GRM1: variants seen among roughly 807,000 people sequenced by gnomAD.
GRM1 encodes glutamate metabotropic receptor 1.
Under a neutral mutation model 90.9 loss-of-function variants are expected in GRM1, and 33 were observed. The ratio of observed to expected loss-of-function variants is 0.36; its 90% confidence interval spans 0.28 to 0.49. The LOEUF is 0.49. Ranked by LOEUF, GRM1 falls within the 20% of genes least tolerant of loss-of-function variation. The pLI is 0.99. For missense variants in GRM1, 1,190 were observed against 1,534.3 expected (o/e 0.78, Z 3.75); for synonymous variants, 700 against 613.2 (o/e 1.14, Z -2.09).
intron 1 of GRM1, among the ~76,000 whole-genome samples, chr6:146,090,884 G>C (rs1422352641): frequency 1.3e-5 from 2 of 151,972 alleles, no homozygotes; most frequent in Non-Finnish European, 2.9e-5. Flanking sequence ...AGTTAGGGCT[G>C]AAGAGAATCA....
At chr6:146,241,144 G>A (rs998105071) in intron 2 of GRM1, among the ~76,000 whole-genome samples, 6 of 152,078 alleles carry the variant, frequency 3.9e-5, no homozygotes, top group African/African-American at 1.4e-4. Context: ...GAACACCTGT[G>A]CCTCATTACA....
chr6:146,225,615 G>A (rs1048998836), intron 2 of GRM1, among the ~76,000 whole-genome samples: 2 of 151,968 alleles, frequency 1.3e-5, no homozygotes, highest in African/African-American at 4.8e-5. Context: ...AGGTATAGTA[G>A]CCATTAATAT....
At chr6:146,193,063 T>A (rs562864655) in intron 2 of GRM1, among the ~76,000 whole-genome samples, 4 of 152,252 alleles carry the variant, frequency 2.6e-5, no homozygotes, top group South Asian at 2.1e-4. Context: ...ACTGGAAAAA[T>A]GGATTTGCCA....
intron 2 of GRM1, among the ~76,000 whole-genome samples, chr6:146,281,051 T>A (rs1317852223): frequency 6.6e-6 from 1 of 152,190 alleles, no homozygotes; most frequent in Non-Finnish European, 1.5e-5. Context: ...ACTGTCTAGT[T>A]AAGAACTGAC....
At chr6:146,375,253 A>C (rs543562764) in intron 5 of GRM1, among the ~76,000 whole-genome samples, 1 of 152,020 alleles carries the variant, frequency 6.6e-6, no homozygotes, top group Admixed American at 6.6e-5. Context: ...ATATTATTTA[A>C]ATTTTTTGAA....
intron 1 of GRM1, among the ~76,000 whole-genome samples, chr6:146,128,523 A>G (rs1444532651): frequency 2.6e-5 from 4 of 152,136 alleles, no homozygotes; most frequent in Non-Finnish European, 5.9e-5. Flanking sequence ...ATTTGAACCC[A>G]TGGCTCTAGA....
At chr6:146,326,501 T>C (rs941264550) in intron 3 of GRM1, among the ~76,000 whole-genome samples, 1 of 152,106 alleles carries the variant, frequency 6.6e-6, no homozygotes, top group African/African-American at 2.4e-5. Flanking sequence ...CTAGGCTTAA[T>C]ACCTGGCTGG....
At chr6:146,210,588 G>C (rs866975212) in intron 2 of GRM1, among the ~76,000 whole-genome samples, 9 of 152,068 alleles carry the variant, frequency 5.9e-5, no homozygotes, top group Admixed American at 6.6e-5. Flanking sequence ...ACAGGGATAG[G>C]AGTTTGAGGT....
chr6:146,303,547 C>T (rs1326809939), intron 2 of GRM1, among the ~76,000 whole-genome samples: 1 of 152,154 alleles, frequency 6.6e-6, no homozygotes, highest in Non-Finnish European at 1.5e-5. Context: ...TGACAAGGAC[C>T]TGACAGCCAT....
At chr6:146,244,375 A>G (rs888465264) in intron 2 of GRM1, among the ~76,000 whole-genome samples, 10 of 152,206 alleles carry the variant, frequency 6.6e-5, no homozygotes, top group Admixed American at 3.9e-4. Flanking sequence ...AATCTTCACA[A>G]TTTATGTTCT....
chr6:146,084,958 A>G (rs1776491104), intron 1 of GRM1, among the ~76,000 whole-genome samples: 1 of 152,130 alleles, frequency 6.6e-6, no homozygotes, highest in African/African-American at 2.4e-5. Context: ...GGATTATACA[A>G]AACTGTACTT....
chr6:146,331,184 A>T (rs941721640), intron 3 of GRM1, among the ~76,000 whole-genome samples: 1 of 152,142 alleles, frequency 6.6e-6, no homozygotes, highest in African/African-American at 2.4e-5. Context: ...AGAGAGGAGC[A>T]GGAATGGATT....
intron 5 of GRM1, among the ~76,000 whole-genome samples, chr6:146,377,315 G>C (rs979771604): frequency 6.6e-6 from 1 of 152,232 alleles, no homozygotes; most frequent in Middle Eastern, 3.4e-3. Flanking sequence ...ACTTCCTAGA[G>C]ACTTATTAAA....
chr6:146,114,323 ATAT>A (rs1775665632), intron 1 of GRM1, among the ~76,000 whole-genome samples: 1 of 152,232 alleles, frequency 6.6e-6, no homozygotes, highest in African/African-American at 2.4e-5. Context: ...TATATTGATG[ATAT>A]TATTGCTTTT....
At chr6:146,356,418 G>A (rs1051317737) in intron 4 of GRM1, among the ~76,000 whole-genome samples, 7 of 144,072 alleles carry the variant, frequency 4.9e-5, no homozygotes, top group Admixed American at 4.8e-4. Flanking sequence ...TTGTGTGGTG[G>A]AAGGGGGCTA....
chr6:146,357,214 TAATA>T (rs1277593542), intron 4 of GRM1, among the ~76,000 whole-genome samples: 2 of 152,214 alleles, frequency 1.3e-5, no homozygotes, highest in Non-Finnish European at 2.9e-5. Context: ...AAGAATAACT[TAATA>T]AACCATAATT....
chr6:146,051,556 G>C (rs1775293714), intron 1 of GRM1, among the ~76,000 whole-genome samples: 2 of 152,062 alleles, frequency 1.3e-5, no homozygotes, highest in Non-Finnish European at 2.9e-5. Flanking sequence ...TGTTTAATAT[G>C]CTCCTGTTAA....
At chr6:146,242,845 G>A (rs1366514484) in intron 2 of GRM1, among the ~76,000 whole-genome samples, 2 of 152,110 alleles carry the variant, frequency 1.3e-5, no homozygotes, top group Non-Finnish European at 2.9e-5. Context: ...GAGAGACTTT[G>A]TAATGATTCC....
At chr6:146,321,983 G>C (rs375295844) in intron 3 of GRM1, among the ~76,000 whole-genome samples, 1 of 152,072 alleles carries the variant, frequency 6.6e-6, no homozygotes, top group Non-Finnish European at 1.5e-5. Flanking sequence ...AGCTGTGATC[G>C]TTTGGAGGAG....
Sources: allele counts gnomAD v4.1 joint callset (sites outside exome capture counted in the v4.1 genomes callset), GRCh38; gene constraint gnomAD v4.1.1; transcripts MANE v1.5; gene names NCBI Gene and HGNC (gene_info 2026-07-23, HGNC 2026-07-21).